The following BST1 variants were observed in gnomAD, a reference collection of about 807,000 sequenced individuals.
BST1 encodes the protein bone marrow stromal cell antigen 1, also known as ADP-ribosyl cyclase/cyclic ADP-ribose hydrolase 2.
BST1 carries 49 observed loss-of-function variants against 40.6 expected under a neutral mutation model. The observed-to-expected ratio is 1.21, with a 90% CI of 0.96 to 1.53. The LOEUF is 1.53. BST1 is among the 40% of genes most tolerant of loss of function. The probability of loss-of-function intolerance (pLI) is 0.00; values close to 1 mark genes in which losing one functional copy is unlikely to be tolerated. For synonymous variants in BST1, 157 were observed against 159.3 expected (o/e 0.99, Z 0.11); for missense variants, 423 against 395.9 (o/e 1.07, Z -0.58).
the BST1 span, among the ~76,000 whole-genome samples, chr4:15,746,009 C>T: frequency 1.3e-5 from 2 of 152,176 alleles, no homozygotes; most frequent in Non-Finnish European, 2.9e-5. Context: ...TAACATAGCC[C>T]TTGGGCAAGA....
Position 15,718,954 on chromosome 4 carries a change from A to T in BST1, c.752A>T (p.Lys251Met). The change falls in exon 7 of 9, where the codon AAG becomes ATG. Residue 251 changes from lysine (K) to methionine (M), a missense_variant. Physicochemically the swap from Lys to Met is moderately conservative, Grantham distance 95. Coordinates refer to ENST00000265016, the MANE Select transcript of BST1 (RefSeq NM_004334.3). ...GSMKVLEKRLKDMGFQYSCIN... is the reference protein window; with the variant it reads ...GSMKVLEKRLMDMGFQYSCIN... ...ATGAAAGTCCTGGAAAAGAGGCTGA[A>T]GGACATGGGGTTCCAGTACAGCTGT... is the stretch of plus-strand genomic sequence containing the variant. 6.2e-7 allele frequency: 1 copy of T among 1,614,154 alleles called. No homozygotes were observed. The highest frequency in any genetic ancestry group is 2.2e-5 in the East Asian group (1 of 44,884).
chr4:15,772,404 A>G, the BST1 span, among the ~76,000 whole-genome samples: 3 of 152,206 alleles, frequency 2.0e-5, no homozygotes, highest in Admixed American at 6.5e-5. Flanking sequence ...ATGAATCCAG[A>G]GGCAAAACCC....
chr4:15,706,783 T>A (rs1203955121), intron 2 of BST1, among the ~76,000 whole-genome samples: 2 of 152,230 alleles, frequency 1.3e-5, no homozygotes, highest in Non-Finnish European at 2.9e-5. Flanking sequence ...TTTAACCTTC[T>A]GTTTCATAGA....
chr4:15,746,043 G>A, the BST1 span, among the ~76,000 whole-genome samples: 1 of 152,190 alleles, frequency 6.6e-6, no homozygotes, highest in East Asian at 1.9e-4. Flanking sequence ...GCATAGTCAA[G>A]GTGAATGAAC....
downstream of BST1, among the ~76,000 whole-genome samples, chr4:15,736,820 C>T (rs2148899781): frequency 6.6e-6 from 1 of 152,296 alleles, no homozygotes; most frequent in South Asian, 2.1e-4. Flanking sequence ...ATGTCTCTCT[C>T]TCTTGAGGAC....
intron 2 of BST1, among the ~76,000 whole-genome samples, chr4:15,706,116 C>T (rs952168843): frequency 1.3e-5 from 2 of 152,212 alleles, no homozygotes; most frequent in African/African-American, 4.8e-5. Context: ...AATCCAATCA[C>T]CTCACACCAG....
chr4:15,722,357 T>A (rs986818027), intron 7 of BST1, among the ~76,000 whole-genome samples: 2 of 152,218 alleles, frequency 1.3e-5, no homozygotes, highest in African/African-American at 4.8e-5. Flanking sequence ...CATGACATGA[T>A]CCTTACAAAA....
chr4:15,763,847 T>A, the BST1 span, among the ~76,000 whole-genome samples: 1 of 152,018 alleles, frequency 6.6e-6, no homozygotes. Context: ...TGATTCCAGC[T>A]GTATGACATT....
chr4:15,764,418 G>T, the BST1 span, among the ~76,000 whole-genome samples: 1 of 151,894 alleles, frequency 6.6e-6, no homozygotes. Flanking sequence ...TGAGATATTT[G>T]ACCTTCAGCC....
chr4:15,768,616 C>T, the BST1 span, among the ~76,000 whole-genome samples: 1 of 151,868 alleles, frequency 6.6e-6, no homozygotes, highest in African/African-American at 2.4e-5. Context: ...GCCTCAGCCT[C>T]CCGAGTAGCT....
the BST1 span, among the ~76,000 whole-genome samples, chr4:15,768,568 A>G: frequency 7.2e-5 from 10 of 139,282 alleles, no homozygotes; most frequent in Admixed American, 8.3e-5. Flanking sequence ...ATCTCGGCTC[A>G]CTGCAAGCTC....
At chr4:15,761,930 T>G in the BST1 span, among the ~76,000 whole-genome samples, 1 of 151,824 alleles carries the variant, frequency 6.6e-6, no homozygotes, top group African/African-American at 2.4e-5. Context: ...CCGGGCGCGG[T>G]GGCTCATGCC....
At chr4:15,734,577 A>G (rs969570307), downstream of BST1, among the ~76,000 whole-genome samples, 3 of 152,056 alleles carry the variant, frequency 2.0e-5, no homozygotes, top group Admixed American at 6.6e-5. Flanking sequence ...ATGTGAGAAA[A>G]CAGGAATGGG....
At chr4:15,757,508 G>A in the BST1 span, among the ~76,000 whole-genome samples, 383 of 148,578 alleles carry the variant, frequency 2.6e-3, 4 homozygotes, top group African/African-American at 9.2e-3. Context: ...CCCCCACCCC[G>A]CCCCGCAGAC....
At chr4:15,740,672 A>G (rs1252535566), downstream of BST1, among the ~76,000 whole-genome samples, 1 of 152,100 alleles carries the variant, frequency 6.6e-6, no homozygotes, top group Non-Finnish European at 1.5e-5. Context: ...ATTATAACAA[A>G]TATTTGACAG....
chr4:15,761,486 GT>G, the BST1 span, among the ~76,000 whole-genome samples: 2 of 151,946 alleles, frequency 1.3e-5, no homozygotes, highest in African/African-American at 2.4e-5. Flanking sequence ...AAACAAGAAA[GT>G]AATTTCTTTA....
chr4:15,720,568 G>A (rs951031571), intron 7 of BST1, among the ~76,000 whole-genome samples: 34 of 148,732 alleles, frequency 2.3e-4, no homozygotes, highest in Non-Finnish European at 4.3e-4. Flanking sequence ...AGGGTGACAA[G>A]AGCCTGGGTG....
intron 3 of BST1, among the ~76,000 whole-genome samples, chr4:15,709,307 T>G (rs1720055117): frequency 6.6e-6 from 1 of 151,754 alleles, no homozygotes; most frequent in East Asian, 1.9e-4. Context: ...GGCCCTGAGG[T>G]GGGAGCGTGT....
At chr4:15,736,033 G>A, downstream of BST1, 6 of 1,258,334 alleles carry the variant, frequency 4.8e-6, no homozygotes, top group Non-Finnish European at 6.2e-6. Context: ...GTGTTTTTAT[G>A]CACATATTTA....
Sources: allele counts gnomAD v4.1 joint callset (sites outside exome capture counted in the v4.1 genomes callset), GRCh38; gene constraint gnomAD v4.1.1; transcripts MANE v1.5; gene names NCBI Gene and HGNC (gene_info 2026-07-23, HGNC 2026-07-21).